PACRG: variants seen among roughly 807,000 people sequenced by gnomAD.
The protein encoded by PACRG is parkin coregulated.
A neutral mutation model predicts 29.7 loss-of-function variants in PACRG; 29 were observed. The ratio of observed to expected loss-of-function variants is 0.98; its 90% CI spans 0.73 to 1.33. The LOEUF is 1.33. Among genes scored for constraint, PACRG ranks in the 40% most tolerant of loss-of-function variants. PACRG has a pLI of 0.00. For synonymous variants in PACRG, 116 were observed against 118.7 expected, an observed-to-expected ratio of 0.98 and a Z score of 0.15; for missense variants, 279 against 316.2, an observed-to-expected ratio of 0.88 and a Z score of 0.89.
chr6:162,879,272 G>A (rs769111805), intron 2 of PACRG, among the ~76,000 whole-genome samples: 3 of 152,118 alleles, frequency 2.0e-5, no homozygotes, highest in East Asian at 1.9e-4. Flanking sequence ...TATAGAAATC[G>A]TCCTTTAATG....
intron 1 of PACRG, among the ~76,000 whole-genome samples, chr6:162,750,923 T>C (rs536913927): frequency 6.6e-6 from 1 of 152,282 alleles, no homozygotes; most frequent in South Asian, 2.1e-4. Flanking sequence ...TAGCCACTAG[T>C]GGTCGTGAGT....
At chr6:162,822,007 G>C (rs984973350) in intron 2 of PACRG, among the ~76,000 whole-genome samples, 10 of 152,204 alleles carry the variant, frequency 6.6e-5, no homozygotes, top group Admixed American at 3.3e-4. Flanking sequence ...TGAAGTTTTT[G>C]TTGTCTTTTT....
At chr6:163,304,233 G>A (rs1410837778) in intron 4 of PACRG, among the ~76,000 whole-genome samples, 1 of 152,086 alleles carries the variant, frequency 6.6e-6, no homozygotes, top group Admixed American at 6.6e-5. Context: ...TCATGTAAGT[G>A]CTATTTCCAT....
At chr6:162,876,011 C>T (rs556939080) in intron 2 of PACRG, among the ~76,000 whole-genome samples, 14 of 152,202 alleles carry the variant, frequency 9.2e-5, no homozygotes, top group East Asian at 1.9e-4. Context: ...TAGATAGAGC[C>T]GAAGATTACA....
At chr6:162,996,549 AT>A (rs1212981070) in intron 2 of PACRG, among the ~76,000 whole-genome samples, 2 of 152,200 alleles carry the variant, frequency 1.3e-5, no homozygotes, top group Non-Finnish European at 2.9e-5. Context: ...AACTAGGGGA[AT>A]GGCTAATTAA....
Position 163,094,423 on chromosome 6 carries a change from T to G in PACRG, c.613+5015T>G, listed in dbSNP as rs1321095762. ...CCCCCCACATTTCTGAAAGTTAGAT[T>G]TGGAATTGTCATGCATATATCTAGT... is the stretch of plus-strand genomic sequence containing the variant. On this transcript the variant is annotated intron_variant, in intron 4 of 4. Coordinates refer to ENST00000366888, the MANE Select transcript of PACRG (RefSeq NM_001080379.2). Among the ~76,000 whole-genome samples, 7 of 152,178 alleles carry G rather than the reference T, an allele frequency of 4.6e-5. No homozygotes were observed. In the East Asian group the frequency reaches 1.2e-3, roughly 25 times the overall value.
intron 4 of PACRG, among the ~76,000 whole-genome samples, chr6:163,234,891 G>A (rs1364737009): frequency 6.6e-6 from 1 of 152,188 alleles, no homozygotes; most frequent in Non-Finnish European, 1.5e-5. Flanking sequence ...AAGAGAGCAA[G>A]TACAGGCAAC....
At chr6:162,928,718 A>G (rs1017685103) in intron 2 of PACRG, among the ~76,000 whole-genome samples, 1 of 151,902 alleles carries the variant, frequency 6.6e-6, no homozygotes, top group African/African-American at 2.4e-5. Context: ...TTATTCTTCT[A>G]TCATATTGTA....
intron 2 of PACRG, among the ~76,000 whole-genome samples, chr6:163,033,148 C>T (rs1023140533): frequency 2.6e-5 from 4 of 152,176 alleles, no homozygotes; most frequent in African/African-American, 9.7e-5. Flanking sequence ...TTCTTATACA[C>T]CTTGTGTATA....
chr6:163,226,480 T>C (rs1562326356), intron 4 of PACRG, among the ~76,000 whole-genome samples: 1 of 152,238 alleles, frequency 6.6e-6, no homozygotes, highest in Non-Finnish European at 1.5e-5. Flanking sequence ...GTATATAGTT[T>C]TTATTTGTCA....
chr6:162,737,347 A>G (rs1486641143), intron 1 of PACRG, among the ~76,000 whole-genome samples: 2 of 152,192 alleles, frequency 1.3e-5, no homozygotes, highest in Non-Finnish European at 2.9e-5. Flanking sequence ...TTCCCATTTA[A>G]TTCTTCTAAG....
chr6:163,050,931 A>G (rs1044471479), intron 2 of PACRG, among the ~76,000 whole-genome samples: 2 of 152,138 alleles, frequency 1.3e-5, no homozygotes, highest in Non-Finnish European at 2.9e-5. Flanking sequence ...GTTGCTTCAA[A>G]TATTGCCTTT....
At chr6:162,731,601 A>G (rs970419079) in intron 1 of PACRG, among the ~76,000 whole-genome samples, 1 of 152,018 alleles carries the variant, frequency 6.6e-6, no homozygotes, top group Admixed American at 6.6e-5. Flanking sequence ...TCCTGGAAAC[A>G]ATTCCTCATG....
At chr6:162,749,436 A>T (rs913028650) in intron 1 of PACRG, among the ~76,000 whole-genome samples, 4 of 152,238 alleles carry the variant, frequency 2.6e-5, no homozygotes, top group Non-Finnish European at 5.9e-5. Context: ...ACAGGGATAT[A>T]GTTTATACTT....
intron 4 of PACRG, among the ~76,000 whole-genome samples, chr6:163,099,426 T>C (rs1019094775): frequency 7.2e-5 from 11 of 152,248 alleles, no homozygotes; most frequent in Admixed American, 7.2e-4. Flanking sequence ...AAAATAGCGT[T>C]CTTTTCTATT....
chr6:163,182,257 G>A (rs576569091), intron 4 of PACRG, among the ~76,000 whole-genome samples: 1 of 152,270 alleles, frequency 6.6e-6, no homozygotes, highest in South Asian at 2.1e-4. Context: ...CTGCAAATTT[G>A]TGTTCATAAA....
At chr6:163,064,079 T>C (rs965610465) in intron 3 of PACRG, among the ~76,000 whole-genome samples, 2 of 151,876 alleles carry the variant, frequency 1.3e-5, no homozygotes, top group Non-Finnish European at 2.9e-5. Flanking sequence ...TATTCGGACA[T>C]ATATCCTTTT....
chr6:162,836,407 G>A (rs752178142), intron 2 of PACRG, among the ~76,000 whole-genome samples: 1 of 152,002 alleles, frequency 6.6e-6, no homozygotes, highest in Non-Finnish European at 1.5e-5. Flanking sequence ...GTTGCTTGGC[G>A]CGTTGGCCCA....
intron 4 of PACRG, among the ~76,000 whole-genome samples, chr6:163,113,666 T>C (rs1438489628): frequency 1.3e-5 from 2 of 152,066 alleles, no homozygotes; most frequent in Admixed American, 6.5e-5. Flanking sequence ...CAAAACTGTA[T>C]ATCAAAAGCA....
Sources: gnomAD v4.1 joint callset for allele counts (sites outside exome capture counted in the v4.1 genomes callset) on GRCh38, gnomAD v4.1.1 for gene constraint, MANE v1.5 for transcripts, NCBI Gene and HGNC (gene_info 2026-07-23, HGNC 2026-07-21) for gene names.